The following PAPPA variants were observed in gnomAD, a reference collection of about 807,000 sequenced individuals.
PAPPA encodes pappalysin-1.
A neutral mutation model predicts 164.0 loss-of-function variants in PAPPA; 60 were observed. The observed-to-expected ratio is 0.37, with a 90% CI of 0.30 to 0.45. The LOEUF is 0.45. Among genes scored for constraint, PAPPA ranks in the 20% least tolerant of loss-of-function variants. The probability of loss-of-function intolerance (pLI) is 1.00; values close to 1 mark genes in which losing one functional copy is unlikely to be tolerated. For missense variants in PAPPA, 1,782 were observed against 2,087.3 expected (o/e 0.85, Z 2.85); for synonymous variants, 875 against 814.1 (o/e 1.07, Z -1.27).
intron 17 of PAPPA, among the ~76,000 whole-genome samples, chr9:116,359,219 A>G (rs1325335221): frequency 2.6e-5 from 4 of 152,218 alleles, no homozygotes; most frequent in Non-Finnish European, 5.9e-5. Flanking sequence ...AGTCTGCAAA[A>G]ATAATATAAT....
intron 4 of PAPPA, among the ~76,000 whole-genome samples, chr9:116,218,349 G>A (rs1844401786): frequency 6.6e-6 from 1 of 152,318 alleles, no homozygotes; most frequent in South Asian, 2.1e-4. Flanking sequence ...TTGATAAGAA[G>A]AAACCAGTAT....
Position 116,294,804 on chromosome 9 carries a change from C to G in PAPPA, c.2954-7953C>G, listed in dbSNP as rs1845481351. Among the ~76,000 whole-genome samples the G allele has an allele frequency of 2.0e-5, 3 of 152,194 alleles. No homozygotes were observed. The South Asian group carries it at 6.2e-4, about 32-fold the overall frequency. On this transcript the variant is annotated intron_variant, in intron 9 of 21. Transcript: ENST00000328252. ...TTAAAATATGCTACTTTTTTTCTGGCCTTTAAAGATCTTTTTGAAAAGTAA... is the reference window on the plus strand; with the variant it reads ...TTAAAATATGCTACTTTTTTTCTGGGCTTTAAAGATCTTTTTGAAAAGTAA...
At chr9:116,388,277 T>C (rs1303013055) in intron 21 of PAPPA, among the ~76,000 whole-genome samples, 7 of 152,120 alleles carry the variant, frequency 4.6e-5, no homozygotes, top group African/African-American at 1.7e-4. Flanking sequence ...TTTATTATTT[T>C]CCTGTTGGAG....
intron 10 of PAPPA, among the ~76,000 whole-genome samples, chr9:116,307,260 C>T (rs1477768784): frequency 1.3e-5 from 2 of 152,122 alleles, no homozygotes; most frequent in Admixed American, 6.5e-5. Context: ...TTTTGAGTTG[C>T]TATTATCATT....
At chr9:116,326,318 T>G (rs543729026) in intron 10 of PAPPA, among the ~76,000 whole-genome samples, 1 of 152,298 alleles carries the variant, frequency 6.6e-6, no homozygotes, top group South Asian at 2.1e-4. Flanking sequence ...TGTAATTATT[T>G]ATTGTTGTCC....
At chr9:116,238,415 A>G (rs1394698254) in intron 7 of PAPPA, among the ~76,000 whole-genome samples, 1 of 152,180 alleles carries the variant, frequency 6.6e-6, no homozygotes, top group African/African-American at 2.4e-5. Context: ...GGAATCTCCA[A>G]ATTCTCTTTC....
chr9:116,274,205 C>T (rs1845170249), intron 9 of PAPPA, among the ~76,000 whole-genome samples: 1 of 152,092 alleles, frequency 6.6e-6, no homozygotes, highest in South Asian at 2.1e-4. Context: ...GTGTTGTGGA[C>T]AGTGTCTAGG....
chr9:116,202,646 C>A (rs1284083641), intron 2 of PAPPA, among the ~76,000 whole-genome samples: 1 of 152,080 alleles, frequency 6.6e-6, no homozygotes, highest in Non-Finnish European at 1.5e-5. Flanking sequence ...AGGGACATTT[C>A]AATCTAGCCA....
At position 116,205,976 on chromosome 9, in the gene PAPPA, C is replaced by T. The variant is rs75027379; in HGVS notation, c.1479-1480C>T. 6.1e-3 allele frequency among the ~76,000 whole-genome samples: 932 copies of T among 152,266 alleles called. 30 individuals carry two copies. In the East Asian group the frequency reaches 0.11, roughly 17 times the overall value. On this transcript the variant is annotated intron_variant, in intron 2 of 21. Transcript: ENST00000328252. ...CTTCAACTACCAAACAGGGATGAGA[C>T]ATGTGTACCTAGCACAGGGTCTGGC...
At chr9:116,379,448 T>C (rs1846698230) in intron 20 of PAPPA, among the ~76,000 whole-genome samples, 1 of 152,206 alleles carries the variant, frequency 6.6e-6, no homozygotes, top group African/African-American at 2.4e-5. Flanking sequence ...ATATGCCAGA[T>C]ACTGTTCCAG....
intron 7 of PAPPA, among the ~76,000 whole-genome samples, chr9:116,240,012 G>A (rs1844717442): frequency 6.6e-6 from 1 of 152,128 alleles, no homozygotes; most frequent in African/African-American, 2.4e-5. Flanking sequence ...GCTGTCAAGT[G>A]CTTCTACACT....
intron 1 of PAPPA, among the ~76,000 whole-genome samples, chr9:116,168,801 C>A: frequency 6.6e-6 from 1 of 152,304 alleles, no homozygotes; most frequent in South Asian, 2.1e-4. Flanking sequence ...GCCAATGCAA[C>A]TCCTTATCTT....
At chr9:116,203,302 G>C (rs1844192832) in intron 2 of PAPPA, among the ~76,000 whole-genome samples, 1 of 152,174 alleles carries the variant, frequency 6.6e-6, no homozygotes, top group Non-Finnish European at 1.5e-5. Context: ...CTTTCCTTGA[G>C]CTCTGGCCTT....
At position 116,376,924 on chromosome 9, in the gene PAPPA, A is replaced by G. The variant is rs73656818; in HGVS notation, c.4606-652A>G. On this transcript the variant is annotated intron_variant, in intron 19 of 21. Transcript: ENST00000328252. Reference sequence around the variant, plus strand: ...AGGGATTTGAACCATAGGTTGGTTCATAATAGCCCATGTGCTCTCAGACTG... The same window carrying G: ...AGGGATTTGAACCATAGGTTGGTTCGTAATAGCCCATGTGCTCTCAGACTG... Among the ~76,000 whole-genome samples, 42 of 152,282 alleles carry G rather than the reference A, an allele frequency of 2.8e-4. 1 individual carries two copies. The highest frequency in any genetic ancestry group is 9.9e-4 in the African/African-American group (41 of 41,548).
At chr9:116,392,777 ACTC>A (rs1044876283) in intron 21 of PAPPA, among the ~76,000 whole-genome samples, 1 of 152,012 alleles carries the variant, frequency 6.6e-6, no homozygotes, top group Non-Finnish European at 1.5e-5. Context: ...GACTTCACTG[ACTC>A]CTCACTAGAG....
At chr9:116,296,536 A>T (rs1845510162) in intron 9 of PAPPA, among the ~76,000 whole-genome samples, 1 of 152,184 alleles carries the variant, frequency 6.6e-6, no homozygotes, top group Non-Finnish European at 1.5e-5. Flanking sequence ...CCACAGACAG[A>T]CAGTGAGGAA....
intron 9 of PAPPA, among the ~76,000 whole-genome samples, chr9:116,300,177 A>T (rs893683033): frequency 6.6e-6 from 1 of 152,178 alleles, no homozygotes. Flanking sequence ...TTGAACTGCC[A>T]TGAATGCTAC....
intron 19 of PAPPA, among the ~76,000 whole-genome samples, chr9:116,372,320 T>C (rs1364384575): frequency 6.6e-6 from 1 of 151,728 alleles, no homozygotes. Context: ...GTGGGCCTCC[T>C]GTGGCCAAAT....
Position 116,344,695 on chromosome 9 carries a change from A to AG in PAPPA, c.3765dup (p.Leu1256AlafsTer21). The AG allele has an allele frequency of 1.9e-6, 3 of 1,613,826 alleles. No individual in the cohort carries two copies. Among genetic ancestry groups the AG allele is most frequent in the Non-Finnish European group, 1.7e-6 (2 of 1,179,822 alleles). On this transcript the variant is annotated frameshift_variant, in exon 14 of 22. Coordinates refer to ENST00000328252, the MANE Select transcript of PAPPA (RefSeq NM_002581.5). LOFTEE classifies it high-confidence loss of function. Reference sequence around the variant, plus strand: ...GTGCTCCAGATACGGCGGGATGATGAGCTGATCAAGAGCCAGGTATGTGCA... The same window carrying AG: ...GTGCTCCAGATACGGCGGGATGATGAGGCTGATCAAGAGCCAGGTATGTGCA...
Sources: gnomAD v4.1 joint callset for allele counts (sites outside exome capture counted in the v4.1 genomes callset) on GRCh38, gnomAD v4.1.1 for gene constraint, MANE v1.5 for transcripts, NCBI Gene and HGNC (gene_info 2026-07-23, HGNC 2026-07-21) for gene names.